Variants in ANKAR observed in about 807,000 individuals in gnomAD.
ANKAR encodes ankyrin and armadillo repeat-containing protein.
Under a neutral mutation model 146.2 loss-of-function variants are expected in ANKAR, and 136 were observed. That is an observed-to-expected ratio of 0.93 (90% CI 0.81 to 1.07). The LOEUF is 1.07. Ranked by LOEUF, ANKAR falls within the 50% of genes least tolerant of loss-of-function variation. The pLI, the probability that ANKAR is intolerant of heterozygous loss-of-function variation, is 0.00. For synonymous variants in ANKAR, 500 were observed against 575.8 expected, an observed-to-expected ratio of 0.87 and a Z score of 1.88; for missense variants, 1,567 against 1,679.9, an observed-to-expected ratio of 0.93 and a Z score of 1.18.
In ANKAR at chr2:189,692,378, T is replaced by C. The variant is rs768509399; in HGVS notation, c.1163T>C (p.Ile388Thr). Residue 388 changes from isoleucine (I) to threonine (T), a missense_variant, in exon 4 of 23, where the codon ATC becomes ACC. Coordinates refer to ENST00000684021, the MANE Select transcript of ANKAR (RefSeq NM_001378068.1). ...FHVHGGIEFD[I>T]STPSIENALE... The stretch of plus-strand genomic sequence containing the variant: ...GTTCATGGAGGAATTGAATTTGATA[T>C]CAGCACCCCTTCAATTGAGAATGCC... 78 of 1,612,938 alleles carry C rather than the reference T, an allele frequency of 4.8e-5. No homozygotes were observed. The highest frequency in any genetic ancestry group is 6.1e-5 in the Non-Finnish European group (72 of 1,179,718).
chr2:189,720,534 C>T (rs2041119945), intron 11 of ANKAR, 85 bp from the exon 12 acceptor site: 3 of 1,001,622 alleles, frequency 3.0e-6, no homozygotes, highest in Non-Finnish European at 3.9e-6. Context: ...GCGTGAGCCA[C>T]CACTTCCGGC....
chr2:189,678,733 A>C (rs532354993), intron 2 of ANKAR, among the ~76,000 whole-genome samples: 1 of 152,180 alleles, frequency 6.6e-6, no homozygotes. Context: ...TCAGTTGCCC[A>C]TAAGTACTTG....
chr2:189,729,999 T>G (rs2042261695), intron 15 of ANKAR, among the ~76,000 whole-genome samples: 1 of 151,422 alleles, frequency 6.6e-6, no homozygotes, highest in Non-Finnish European at 1.5e-5. Context: ...AAGAGAGAGT[T>G]GAGTCTCTCT....
chr2:189,675,933 C>T (rs1037207458), intron 1 of ANKAR: 1 of 154,550 alleles, frequency 6.5e-6, no homozygotes, highest in African/African-American at 2.4e-5. Flanking sequence ...CCGTCTCTTA[C>T]CATGTGACAC....
At chr2:189,686,203 T>A (rs1240374751) in intron 2 of ANKAR, among the ~76,000 whole-genome samples, 1 of 151,834 alleles carries the variant, frequency 6.6e-6, no homozygotes, top group Non-Finnish European at 1.5e-5. Flanking sequence ...CTGGCCTTTT[T>A]AAAAAAAAGA....
At chr2:189,718,074 C>G (rs933935887) in intron 10 of ANKAR, among the ~76,000 whole-genome samples, 4 of 94,654 alleles carry the variant, frequency 4.2e-5, no homozygotes, top group Admixed American at 2.7e-4. Flanking sequence ...TACCCTAGAA[C>G]TTAAAGTATA....
intron 18 of ANKAR, among the ~76,000 whole-genome samples, chr2:189,760,223 C>G (rs1015672391): frequency 6.6e-6 from 1 of 152,194 alleles, no homozygotes; most frequent in Non-Finnish European, 1.5e-5. Context: ...CTTTTCTATT[C>G]GACAAAACCG....
chr2:189,752,104 A>G (rs1422872829), intron 18 of ANKAR, among the ~76,000 whole-genome samples: 1 of 151,852 alleles, frequency 6.6e-6, no homozygotes, highest in East Asian at 1.9e-4. Flanking sequence ...AGAATGCGCC[A>G]CTGCACTCTA....
intron 3 of ANKAR, among the ~76,000 whole-genome samples, chr2:189,691,649 C>A (rs2036420525): frequency 6.7e-6 from 1 of 150,280 alleles, no homozygotes; most frequent in South Asian, 2.1e-4. Flanking sequence ...AATAAAACTA[C>A]AGAAAGTGCT....
intron 12 of ANKAR, among the ~76,000 whole-genome samples, chr2:189,724,501 C>T (rs74594472): frequency 0.011 from 1,620 of 152,164 alleles, 35 homozygotes; most frequent in African/African-American, 0.037. Flanking sequence ...TCCTTTTGTT[C>T]GACAAGGTCA....
intron 4 of ANKAR, chr2:189,692,820 C>T: frequency 3.7e-6 from 1 of 266,774 alleles, no homozygotes. Flanking sequence ...AATTCTTCAC[C>T]TGGAATTTAG....
chr2:189,720,868 G>C, intron 12 of ANKAR, 81 bp downstream of exon 12: 1 of 1,137,994 alleles, frequency 8.8e-7, no homozygotes, highest in Non-Finnish European at 1.2e-6. Context: ...TGTCCTATAT[G>C]AATAGATGTC....
chr2:189,762,611 C>A (rs936540912), downstream of ANKAR: 1 of 985,448 alleles, frequency 1.0e-6, no homozygotes, highest in South Asian at 4.7e-5. Flanking sequence ...AAGGCGGCGA[C>A]GGGCGCAAAC....
At chr2:189,682,229 T>C (rs1015268685) in intron 2 of ANKAR, among the ~76,000 whole-genome samples, 2 of 152,010 alleles carry the variant, frequency 1.3e-5, no homozygotes, top group Non-Finnish European at 2.9e-5. Context: ...TTTGAGGCTG[T>C]AGTGTATTAT....
chr2:189,686,704 G>T (rs944204887), intron 2 of ANKAR, among the ~76,000 whole-genome samples: 1 of 152,130 alleles, frequency 6.6e-6, no homozygotes, highest in Admixed American at 6.5e-5. Context: ...GACTTATATT[G>T]TATCTGTATT....
intron 18 of ANKAR, among the ~76,000 whole-genome samples, chr2:189,758,039 C>T (rs911629353): frequency 6.6e-6 from 1 of 152,080 alleles, no homozygotes; most frequent in Non-Finnish European, 1.5e-5. Context: ...GCGTATTTTC[C>T]CCTTGGTACT....
At chr2:189,761,469 C>T (rs543231706), downstream of ANKAR, 4 of 1,612,264 alleles carry the variant, frequency 2.5e-6, no homozygotes, top group Admixed American at 3.3e-5. Flanking sequence ...AACACATTTC[C>T]AGTTTCATCC....
intron 12 of ANKAR, among the ~76,000 whole-genome samples, chr2:189,724,856 TAAA>T (rs1400811076): frequency 6.6e-6 from 1 of 151,868 alleles, no homozygotes; most frequent in Non-Finnish European, 1.5e-5. Context: ...TTCTACATAA[TAAA>T]AAAATTAAAT....
rs200831821 is a variant in ANKAR at position 189,720,760 on chromosome 2, C to A, written c.2608C>A (p.Leu870Ile). ...AVREHKGLPY[L>I]IRFLSSDSDV... Reference sequence around the variant, plus strand: ...GAGAGAACATAAAGGCCTCCCATATCTTATCAGATTTCTGAGTTCTGATTC... The same window carrying A: ...GAGAGAACATAAAGGCCTCCCATATATTATCAGATTTCTGAGTTCTGATTC... The change falls in exon 12 of 23, where the codon CTT becomes ATT. Residue 870 changes from leucine to isoleucine, a missense_variant. By Grantham distance (5) the Leu-to-Ile change is conservative (BLOSUM62 2). Transcript: ENST00000684021. The A allele has an allele frequency of 4.2e-5, 63 of 1,501,816 alleles. No homozygotes were observed. In the East Asian group the frequency reaches 1.5e-3, roughly 36 times the overall value. The allele number at this position is 1,501,816 out of a possible 1,614,324, so 93.0% of individuals were successfully genotyped here.
Sources: gnomAD v4.1 joint callset for allele counts (sites outside exome capture counted in the v4.1 genomes callset) on GRCh38, gnomAD v4.1.1 for gene constraint, MANE v1.5 for transcripts, NCBI Gene and HGNC (gene_info 2026-07-23, HGNC 2026-07-21) for gene names.